CCDC15: variants seen among roughly 807,000 people sequenced by gnomAD.
CCDC15 encodes coiled-coil domain containing 15, also known as coiled-coil domain-containing protein 15.
A neutral mutation model predicts 114.5 loss-of-function variants in CCDC15; 105 were observed. That is an observed-to-expected ratio of 0.92 (90% CI 0.78 to 1.08). The LOEUF is 1.08. Ranked by LOEUF, CCDC15 falls within the 50% of genes least tolerant of loss-of-function variation. The pLI, the probability that CCDC15 is intolerant of heterozygous loss-of-function variation, is 0.00. For synonymous variants in CCDC15, 334 were observed against 377.8 expected (o/e 0.88, Z 1.34); for missense variants, 1,105 against 1,093.6 (o/e 1.01, Z -0.15).
At chr11:125,020,323 G>A (rs1948653528) in intron 13 of CCDC15, among the ~76,000 whole-genome samples, 1 of 151,872 alleles carries the variant, frequency 6.6e-6, no homozygotes, top group Non-Finnish European at 1.5e-5. Flanking sequence ...AGATTTCTGT[G>A]ATTGCTTTGG....
chr11:125,001,405 A>G (rs761029459), intron 11 of CCDC15, among the ~76,000 whole-genome samples: 2 of 152,256 alleles, frequency 1.3e-5, no homozygotes, highest in African/African-American at 2.4e-5. Flanking sequence ...AATGACTATA[A>G]TTCACATATA....
intron 13 of CCDC15, among the ~76,000 whole-genome samples, chr11:125,013,656 T>C (rs1377800667): frequency 1.3e-5 from 2 of 152,190 alleles, no homozygotes; most frequent in Non-Finnish European, 2.9e-5. Context: ...GAATGAATGG[T>C]TAGTACCATT....
intron 10 of CCDC15, 61 bp from the exon 11 acceptor site, chr11:124,993,108 A>G: frequency 9.9e-7 from 1 of 1,005,356 alleles, no homozygotes; most frequent in Non-Finnish European, 1.5e-6. Context: ...AGTCTATAAT[A>G]CTGTCACTAG....
intron 3 of CCDC15, 120 bp downstream of exon 3, chr11:124,959,384 A>G (rs1947615983): frequency 3.7e-6 from 3 of 807,292 alleles, no homozygotes; most frequent in East Asian, 6.5e-5. Context: ...AATCTAATTA[A>G]CTAGTGAAGA....
At chr11:125,024,353 A>G (rs1237515049) in intron 13 of CCDC15, among the ~76,000 whole-genome samples, 1 of 152,074 alleles carries the variant, frequency 6.6e-6, no homozygotes, top group African/African-American at 2.4e-5. Flanking sequence ...AGTTTCTACA[A>G]ATAGCATTTT....
chr11:124,963,102 A>G (rs959689930), intron 4 of CCDC15, among the ~76,000 whole-genome samples: 25 of 152,298 alleles, frequency 1.6e-4, no homozygotes, highest in South Asian at 6.2e-4. Flanking sequence ...TAGTGCTGCA[A>G]TAAACACATG....
At chr11:125,002,175 A>T (rs984323686) in intron 11 of CCDC15, among the ~76,000 whole-genome samples, 1 of 152,274 alleles carries the variant, frequency 6.6e-6, no homozygotes, top group South Asian at 2.1e-4. Flanking sequence ...ACACCTTTTC[A>T]TGTGCTTACT....
chr11:125,034,239 T>C (rs759169206), intron 13 of CCDC15, among the ~76,000 whole-genome samples: 4 of 152,316 alleles, frequency 2.6e-5, no homozygotes, highest in Middle Eastern at 3.4e-3. Context: ...AAAAAATTCA[T>C]CAGAGTTTAC....
intron 13 of CCDC15, among the ~76,000 whole-genome samples, chr11:125,008,531 G>A (rs1948567123): frequency 6.6e-6 from 1 of 152,020 alleles, no homozygotes; most frequent in South Asian, 2.1e-4. Context: ...TATTTCATTA[G>A]CAAGGACTTT....
intron 13 of CCDC15, among the ~76,000 whole-genome samples, chr11:125,032,871 G>A (rs1466596009): frequency 1.3e-5 from 2 of 152,198 alleles, no homozygotes; most frequent in African/African-American, 4.8e-5. Context: ...TTCTTTAACT[G>A]GAGGACCACA....
At chr11:124,984,387 G>A (rs1484704640) in intron 6 of CCDC15, among the ~76,000 whole-genome samples, 4 of 152,080 alleles carry the variant, frequency 2.6e-5, no homozygotes, top group African/African-American at 4.8e-5. Flanking sequence ...AAGCAGGGCT[G>A]GGGCCCTGGG....
intron 6 of CCDC15, among the ~76,000 whole-genome samples, chr11:124,978,914 G>A (rs1948021348): frequency 6.6e-6 from 1 of 151,738 alleles, no homozygotes. Flanking sequence ...ATCTTCTAGT[G>A]TTTTTTATGC....
chr11:124,964,646 T>A (rs1289242413), intron 4 of CCDC15, among the ~76,000 whole-genome samples: 1 of 152,196 alleles, frequency 6.6e-6, no homozygotes, highest in Admixed American at 6.5e-5. Context: ...TTCTCTTGCC[T>A]GATTCCCCTG....
chr11:125,018,886 G>A (rs1280373365), intron 13 of CCDC15, among the ~76,000 whole-genome samples: 3 of 151,870 alleles, frequency 2.0e-5, no homozygotes, highest in Non-Finnish European at 4.4e-5. Context: ...TGTGGGGATA[G>A]TATAAGACAA....
chr11:124,968,540 G>A (rs979175211), intron 4 of CCDC15, among the ~76,000 whole-genome samples: 8 of 152,102 alleles, frequency 5.3e-5, no homozygotes, highest in South Asian at 2.1e-4. Flanking sequence ...GGAGTGTCCC[G>A]ATTTTCCAGG....
intron 6 of CCDC15, among the ~76,000 whole-genome samples, chr11:124,984,062 C>T (rs560465933): frequency 3.9e-5 from 6 of 152,052 alleles, no homozygotes; most frequent in East Asian, 1.9e-4. Flanking sequence ...TTTGCATTGG[C>T]AGTAGTGACA....
chr11:125,036,907 C>T (rs947190570), intron 13 of CCDC15, among the ~76,000 whole-genome samples: 3 of 152,126 alleles, frequency 2.0e-5, no homozygotes, highest in Non-Finnish European at 2.9e-5. Context: ...TGAGTTTCCT[C>T]AAAACAGCCA....
intron 13 of CCDC15, among the ~76,000 whole-genome samples, chr11:125,018,074 A>G (rs947144049): frequency 6.6e-6 from 1 of 152,138 alleles, no homozygotes; most frequent in Non-Finnish European, 1.5e-5. Context: ...TACAGTGTTT[A>G]TAAAGTCTAC....
chr11:124,959,294 TTGAA>T (rs1565352218), intron 3 of CCDC15, 30 bp downstream of exon 3: 1 of 1,534,010 alleles, frequency 6.5e-7, no homozygotes, highest in East Asian at 2.3e-5. Flanking sequence ...TGAGTAAAGA[TTGAA>T]TGGAAAATAT....
Sources: allele counts gnomAD v4.1 joint callset (sites outside exome capture counted in the v4.1 genomes callset), GRCh38; gene constraint gnomAD v4.1.1; transcripts MANE v1.5; gene names NCBI Gene and HGNC (gene_info 2026-07-23, HGNC 2026-07-21).